Variants in RALA observed in about 807,000 individuals in gnomAD.
RALA encodes the protein RAS like proto-oncogene A.
In RALA, 5 loss-of-function variants were observed where a neutral mutation model predicts 24.0. The ratio of observed to expected loss-of-function variants is 0.21; its 90% CI spans 0.11 to 0.44. The LOEUF is 0.44. Ranked by LOEUF, RALA falls within the 20% of genes least tolerant of loss-of-function variation. RALA has a pLI of 0.99. For synonymous variants in RALA, 77 were observed against 83.8 expected (o/e 0.92, Z 0.44); for missense variants, 95 against 241.2 (o/e 0.39, Z 4.01).
At chr7:39,642,627 C>A (rs1435029735) in intron 1 of RALA, among the ~76,000 whole-genome samples, 2 of 152,070 alleles carry the variant, frequency 1.3e-5, no homozygotes, top group Non-Finnish European at 2.9e-5. Flanking sequence ...ATTCGTAAAC[C>A]CCTGTAGTGA....
chr7:39,702,323 T>A (rs575775329), intron 4 of RALA, among the ~76,000 whole-genome samples: 2 of 152,284 alleles, frequency 1.3e-5, no homozygotes, highest in African/African-American at 4.8e-5. Flanking sequence ...AGGGAAAGTT[T>A]GCATTTGCTT....
At chr7:39,657,828 A>G (rs2115986363) in intron 1 of RALA, among the ~76,000 whole-genome samples, 1 of 152,334 alleles carries the variant, frequency 6.6e-6, no homozygotes, top group African/African-American at 2.4e-5. Flanking sequence ...ATGTAGGTGC[A>G]TGTGTTTAGT....
At chr7:39,643,609 A>G (rs1406367104) in intron 1 of RALA, among the ~76,000 whole-genome samples, 1 of 152,062 alleles carries the variant, frequency 6.6e-6, no homozygotes, top group African/African-American at 2.4e-5. Flanking sequence ...TAATCCCAGC[A>G]CTTTGGGAGG....
At chr7:39,693,557 TA>T (rs1315052745) in intron 3 of RALA, among the ~76,000 whole-genome samples, 1 of 152,074 alleles carries the variant, frequency 6.6e-6, no homozygotes, top group South Asian at 2.1e-4. Context: ...CCCTACAACT[TA>T]AAGTATAATT....
intron 1 of RALA, among the ~76,000 whole-genome samples, chr7:39,636,869 A>G (rs778402202): frequency 1.9e-4 from 29 of 152,134 alleles, no homozygotes; most frequent in Non-Finnish European, 2.9e-5. Context: ...GAAGTGCTAC[A>G]CTTTTAAACC....
chr7:39,644,405 A>G (rs1791891123), intron 1 of RALA, among the ~76,000 whole-genome samples: 1 of 152,156 alleles, frequency 6.6e-6, no homozygotes, highest in Non-Finnish European at 1.5e-5. Flanking sequence ...GTGTCTTAGC[A>G]CATCCTGGTC....
rs1255120787 is a variant in RALA, at chr7:39,629,549, G to A, written c.-38+5724G>A. ...CCTGCCTCAGCCTCCTGAGTAGCTG[G>A]GATTACAGGTGCACGCCACCACGCC... On this transcript the variant is annotated intron_variant, in intron 1 of 4. Coordinates refer to ENST00000005257, the MANE Select transcript of RALA (RefSeq NM_005402.4). Among the ~76,000 whole-genome samples, 4 of 152,026 alleles carry A rather than the reference G, an allele frequency of 2.6e-5. No homozygotes were observed. The East Asian group carries it at 7.7e-4, about 29-fold the overall frequency.
intron 1 of RALA, among the ~76,000 whole-genome samples, chr7:39,651,474 C>T (rs1792017387): frequency 6.6e-6 from 1 of 152,216 alleles, no homozygotes; most frequent in African/African-American, 2.4e-5. Flanking sequence ...AACTCCGTGT[C>T]ATGTGACCAG....
At chr7:39,633,199 C>G (rs940140516) in intron 1 of RALA, among the ~76,000 whole-genome samples, 15 of 152,256 alleles carry the variant, frequency 9.9e-5, no homozygotes, top group Admixed American at 5.2e-4. Context: ...TCTTGGATTT[C>G]TAGATCATAT....
chr7:39,678,577 A>G (rs1792529494), intron 1 of RALA, among the ~76,000 whole-genome samples: 1 of 152,228 alleles, frequency 6.6e-6, no homozygotes, highest in South Asian at 2.1e-4. Flanking sequence ...ATTCTAGGAT[A>G]TCACTTTAAA....
At chr7:39,628,376 TACACACACACACACACACACAC>T (rs36095637) in intron 1 of RALA, among the ~76,000 whole-genome samples, 3 of 145,042 alleles carry the variant, frequency 2.1e-5, no homozygotes, top group African/African-American at 7.7e-5. Flanking sequence ...ACCTCATAAC[TACACACACACACACACACACAC>T]ACACACACAC....
intron 1 of RALA, among the ~76,000 whole-genome samples, chr7:39,684,806 C>CG (rs1259912631): frequency 5.8e-4 from 88 of 151,868 alleles, no homozygotes; most frequent in Non-Finnish European, 5.9e-5. Context: ...ATGTGGCCCA[C>CG]GGGCCACAGG....
intron 1 of RALA, among the ~76,000 whole-genome samples, chr7:39,627,889 A>G (rs1312865865): frequency 6.6e-6 from 1 of 152,180 alleles, no homozygotes; most frequent in East Asian, 1.9e-4. Flanking sequence ...ATAAAATTCA[A>G]ACTCCATTTA....
intron 1 of RALA, among the ~76,000 whole-genome samples, chr7:39,650,060 T>C (rs1207388554): frequency 2.0e-5 from 3 of 152,202 alleles, no homozygotes; most frequent in Non-Finnish European, 2.9e-5. Context: ...TTGAGAGTTT[T>C]TGTTTTATTT....
At chr7:39,648,795 C>T (rs1791971665) in intron 1 of RALA, among the ~76,000 whole-genome samples, 1 of 152,146 alleles carries the variant, frequency 6.6e-6, no homozygotes, top group South Asian at 2.1e-4. Flanking sequence ...TGCAATGGCT[C>T]ACCCCTGTAA....
intron 1 of RALA, among the ~76,000 whole-genome samples, chr7:39,636,928 C>T (rs1433585877): frequency 1.3e-5 from 2 of 152,150 alleles, no homozygotes; most frequent in African/African-American, 4.8e-5. Context: ...TGGGGGAAAC[C>T]ACCCCCATGA....
At chr7:39,660,790 G>A (rs1792173511) in intron 1 of RALA, among the ~76,000 whole-genome samples, 1 of 151,892 alleles carries the variant, frequency 6.6e-6, no homozygotes, top group African/African-American at 2.4e-5. Context: ...AAACAAGATA[G>A]GTATATCATG....
intron 1 of RALA, among the ~76,000 whole-genome samples, chr7:39,670,436 C>G (rs1234521765): frequency 6.6e-6 from 1 of 152,182 alleles, no homozygotes; most frequent in Non-Finnish European, 1.5e-5. Flanking sequence ...TGTTAGCCAC[C>G]ATGCTCAGCT....
At chr7:39,645,426 C>T (rs923438011) in intron 1 of RALA, among the ~76,000 whole-genome samples, 2 of 152,060 alleles carry the variant, frequency 1.3e-5, no homozygotes, top group African/African-American at 4.8e-5. Flanking sequence ...TAAACTGGGA[C>T]ACATTGACAA....
Sources: allele counts gnomAD v4.1 joint callset (sites outside exome capture counted in the v4.1 genomes callset), GRCh38; gene constraint gnomAD v4.1.1; transcripts MANE v1.5; gene names NCBI Gene and HGNC (gene_info 2026-07-23, HGNC 2026-07-21).